Variants in C4BPA observed in about 807,000 individuals in gnomAD.
The protein encoded by C4BPA is C4b-binding protein alpha chain.
Under a neutral mutation model 63.7 loss-of-function variants are expected in C4BPA, and 31 were observed. The ratio of observed to expected loss-of-function variants is 0.49; its 90% CI spans 0.37 to 0.66. The LOEUF (loss-of-function observed/expected upper bound fraction) is 0.66, where lower values mean the gene tolerates loss of function less well. Ranked by LOEUF, C4BPA falls within the 30% of genes least tolerant of loss-of-function variation. The pLI is 0.00. For synonymous variants in C4BPA, 259 were observed against 254.7 expected, an observed-to-expected ratio of 1.02 and a Z score of -0.16; for missense variants, 572 against 723.3, an observed-to-expected ratio of 0.79 and a Z score of 2.40.
chr1:207,111,898 T>C (rs531115394), intron 1 of C4BPA, among the ~76,000 whole-genome samples: 3 of 152,352 alleles, frequency 2.0e-5, no homozygotes, highest in African/African-American at 7.2e-5. Context: ...ACTTCATATA[T>C]TCCTTTGAAG....
intron 4 of C4BPA, among the ~76,000 whole-genome samples, chr1:207,120,357 A>G (rs919829059): frequency 6.6e-6 from 1 of 152,244 alleles, no homozygotes; most frequent in Non-Finnish European, 1.5e-5. Context: ...CATTGTTTAC[A>G]TGAAATTCAC....
chr1:207,132,224 A>G (rs939019791), intron 8 of C4BPA, among the ~76,000 whole-genome samples: 1 of 152,170 alleles, frequency 6.6e-6, no homozygotes, highest in African/African-American at 2.4e-5. Context: ...TAGAAGACAA[A>G]TCCTGACTCG....
In C4BPA at chr1:207,113,126, T is replaced by G; in HGVS notation, c.101T>G (p.Phe34Cys). 1 of 1,611,296 alleles carries G rather than the reference T, an allele frequency of 6.2e-7. No individual in the cohort carries two copies. The change falls in exon 2 of 12, where the codon TTC (phenylalanine) becomes TGC (cysteine). Residue 34 changes from phenylalanine to cysteine, a missense_variant. Transcript: ENST00000367070. ...RLWKVSDPIL[F>C]QMTLIAALLP... is the part of the protein sequence containing the mutation. ...TGGAAAGTCTCTGATCCAATTCTCTTCCAAATGACCTTGATCGCTGCTCTG... is the reference window on the plus strand; with the variant it reads ...TGGAAAGTCTCTGATCCAATTCTCTGCCAAATGACCTTGATCGCTGCTCTG...
intron 1 of C4BPA, among the ~76,000 whole-genome samples, chr1:207,108,738 T>G (rs1684608395): frequency 6.6e-6 from 1 of 152,176 alleles, no homozygotes; most frequent in African/African-American, 2.4e-5. Context: ...TATTTATTTA[T>G]TTTTGAGACG....
intron 7 of C4BPA, among the ~76,000 whole-genome samples, chr1:207,131,168 G>C (rs1288210525): frequency 6.6e-6 from 1 of 152,174 alleles, no homozygotes; most frequent in Non-Finnish European, 1.5e-5. Context: ...TGGATGAGGG[G>C]AACGGCTCCT....
At chr1:207,127,640 A>G (rs1685074656) in intron 7 of C4BPA, among the ~76,000 whole-genome samples, 1 of 152,132 alleles carries the variant, frequency 6.6e-6, no homozygotes, top group Non-Finnish European at 1.5e-5. Context: ...GTTTGGGGAA[A>G]CCTCTCTCCT....
At chr1:207,133,456 T>C (rs1433481638) in intron 8 of C4BPA, among the ~76,000 whole-genome samples, 1 of 152,222 alleles carries the variant, frequency 6.6e-6, no homozygotes, top group Non-Finnish European at 1.5e-5. Context: ...TAGCAGCTCT[T>C]ACTGTATTAA....
intron 4 of C4BPA, among the ~76,000 whole-genome samples, chr1:207,122,467 C>T (rs10864083): frequency 0.58 from 88,708 of 152,038 alleles, 27,208 homozygotes; most frequent in East Asian, 0.73. Context: ...TACTTTTACT[C>T]TTAGTTGTTT....
chr1:207,139,435 G>GT (rs774453948), intron 9 of C4BPA, among the ~76,000 whole-genome samples: 6 of 152,076 alleles, frequency 3.9e-5, no homozygotes, highest in Non-Finnish European at 8.8e-5. Flanking sequence ...TTGTGGTGGT[G>GT]TTTTTTTCTT....
chr1:207,127,626 A>T (rs1685073969), intron 7 of C4BPA: 1 of 152,236 alleles, frequency 6.6e-6, no homozygotes. Context: ...GCAGTGGTGG[A>T]GGAGTTTGGG....
intron 4 of C4BPA, among the ~76,000 whole-genome samples, chr1:207,123,461 A>G (rs1445516784): frequency 6.6e-6 from 1 of 152,298 alleles, no homozygotes; most frequent in East Asian, 1.9e-4. Flanking sequence ...CGAACTGAGG[A>G]AAGAGTAGGA....
intron 1 of C4BPA, among the ~76,000 whole-genome samples, chr1:207,109,101 A>G (rs1400480814): frequency 6.6e-6 from 1 of 152,162 alleles, no homozygotes; most frequent in East Asian, 1.9e-4. Flanking sequence ...GCAAGGGAAG[A>G]CAAAGCCCCA....
At chr1:207,138,768 T>C (rs975174520) in intron 9 of C4BPA, among the ~76,000 whole-genome samples, 1 of 152,204 alleles carries the variant, frequency 6.6e-6, no homozygotes, top group African/African-American at 2.4e-5. Flanking sequence ...ATCTGAAAAG[T>C]CCTATTTAGG....
In C4BPA at chr1:207,115,385, G is replaced by A. The variant is rs112561558; in HGVS notation, c.329-31G>A. On this transcript the variant is annotated intron_variant, in intron 3 of 11. Transcript: ENST00000367070. ...ATGCCATATCTGTGAGTACTTGGAA[G>A]TACTAATCATCATTTAAATTTTTCT... The A allele has an allele frequency of 3.1e-4, 370 of 1,196,100 alleles. 1 individual carries two copies. In the African/African-American group the frequency reaches 4.7e-3, roughly 15 times the overall value. 74.1% of individuals were successfully genotyped at this position (1,196,100 alleles called of 1,614,324 possible).
At chr1:207,138,169 T>C (rs1685332825) in intron 9 of C4BPA, among the ~76,000 whole-genome samples, 1 of 152,214 alleles carries the variant, frequency 6.6e-6, no homozygotes, top group Admixed American at 6.5e-5. Context: ...AGTTTGGTTA[T>C]ACTGGATAAC....
At chr1:207,137,825 C>T (rs1685321013) in intron 9 of C4BPA, among the ~76,000 whole-genome samples, 1 of 152,166 alleles carries the variant, frequency 6.6e-6, no homozygotes, top group Non-Finnish European at 1.5e-5. Context: ...ACCATGTTGG[C>T]CAGGCTGGTC....
intron 1 of C4BPA, among the ~76,000 whole-genome samples, chr1:207,107,524 G>A (rs1357428876): frequency 6.6e-6 from 1 of 152,156 alleles, no homozygotes; most frequent in Non-Finnish European, 1.5e-5. Flanking sequence ...ACTCCAGCTT[G>A]GGTGACACAG....
At chr1:207,120,302 T>C (rs1462611907) in intron 4 of C4BPA, among the ~76,000 whole-genome samples, 1 of 152,222 alleles carries the variant, frequency 6.6e-6, no homozygotes, top group Non-Finnish European at 1.5e-5. Flanking sequence ...TTTTAGTGTA[T>C]GTTCCATGCA....
intron 1 of C4BPA, among the ~76,000 whole-genome samples, chr1:207,106,200 G>A (rs1378707484): frequency 2.0e-5 from 3 of 152,124 alleles, no homozygotes; most frequent in Non-Finnish European, 4.4e-5. Flanking sequence ...ACCACCAGGA[G>A]TAGTTATGGT....
Sources: gnomAD v4.1 joint callset for allele counts (sites outside exome capture counted in the v4.1 genomes callset) on GRCh38, gnomAD v4.1.1 for gene constraint, MANE v1.5 for transcripts, NCBI Gene and HGNC (gene_info 2026-07-23, HGNC 2026-07-21) for gene names.